ETV1: variants seen among roughly 807,000 people sequenced by gnomAD.
ETV1 encodes the protein ETS translocation variant 1.
A neutral mutation model predicts 62.3 loss-of-function variants in ETV1; 27 were observed. That is an observed-to-expected ratio of 0.43 (90% CI 0.32 to 0.60). The LOEUF (loss-of-function observed/expected upper bound fraction) is 0.60. Among genes scored for constraint, ETV1 ranks in the 20% least tolerant of loss-of-function variants. The pLI, the probability that ETV1 is intolerant of heterozygous loss-of-function variation, is 0.06. For missense variants in ETV1, 605 were observed against 605.8 expected (o/e 1.00, Z 0.01); for synonymous variants, 222 against 199.6 (o/e 1.11, Z -0.94).
At chr7:13,974,595 A>G (rs951165130) in intron 6 of ETV1, among the ~76,000 whole-genome samples, 1 of 152,242 alleles carries the variant, frequency 6.6e-6, no homozygotes, top group Admixed American at 6.5e-5. Flanking sequence ...GAACTAAAAC[A>G]ATGAAATAGG....
At chr7:13,941,863 GAATAAATAAATAAATAAATA>G (rs111978808) in intron 6 of ETV1, among the ~76,000 whole-genome samples, 38 of 145,880 alleles carry the variant, frequency 2.6e-4, no homozygotes, top group East Asian at 1.2e-3. Context: ...ATTCTGCCTC[GAATAAATAAATAAATAAATA>G]AATAAATAAA....
chr7:13,981,536 T>TAC (rs1562715370), intron 5 of ETV1, among the ~76,000 whole-genome samples: 2 of 135,322 alleles, frequency 1.5e-5, no homozygotes, highest in African/African-American at 5.6e-5. Flanking sequence ...TACATACATA[T>TAC]ATATATATAC....
chr7:13,960,531 C>A (rs1460170197), intron 6 of ETV1, among the ~76,000 whole-genome samples: 2 of 152,026 alleles, frequency 1.3e-5, no homozygotes, highest in African/African-American at 4.8e-5. Flanking sequence ...ACAAAAATAG[C>A]AAATTATAAA....
chr7:13,942,919 TA>T (rs1457836213), intron 6 of ETV1, among the ~76,000 whole-genome samples: 1 of 151,960 alleles, frequency 6.6e-6, no homozygotes, highest in Admixed American at 6.6e-5. Flanking sequence ...TACCATGAAG[TA>T]GGAAAATATT....
intron 9 of ETV1, among the ~76,000 whole-genome samples, chr7:13,925,098 G>C (rs955616252): frequency 1.1e-4 from 16 of 152,138 alleles, no homozygotes; most frequent in African/African-American, 3.6e-4. Context: ...TAAGCTCAAA[G>C]TATGCAGCAT....
chr7:13,901,837 A>G (rs1045970976), intron 12 of ETV1, among the ~76,000 whole-genome samples: 3 of 152,188 alleles, frequency 2.0e-5, no homozygotes, highest in African/African-American at 7.2e-5. Context: ...AAAAATCTCT[A>G]AAGCAGAATG....
chr7:13,912,717 G>T (rs1318763401), intron 9 of ETV1, among the ~76,000 whole-genome samples: 1 of 152,114 alleles, frequency 6.6e-6, no homozygotes, highest in Non-Finnish European at 1.5e-5. Context: ...GGCTAGCATT[G>T]TTTAAATCTG....
intron 3 of ETV1, 82 bp downstream of exon 3, chr7:13,988,926 C>A: frequency 7.4e-7 from 1 of 1,354,452 alleles, no homozygotes; most frequent in Non-Finnish European, 1.0e-6. Flanking sequence ...ACCCCCGTGC[C>A]CCCTCCCTTC....
chr7:13,943,024 G>C (rs1051733295), intron 6 of ETV1, among the ~76,000 whole-genome samples: 2 of 151,856 alleles, frequency 1.3e-5, no homozygotes, highest in Non-Finnish European at 2.9e-5. Flanking sequence ...AAAAGACACT[G>C]TTAAAAAAAA....
intron 5 of ETV1, among the ~76,000 whole-genome samples, chr7:13,983,342 C>A (rs1782191899): frequency 6.6e-6 from 1 of 151,964 alleles, no homozygotes; most frequent in South Asian, 2.1e-4. Flanking sequence ...TGGAAGAATA[C>A]AATCCTGTCT....
chr7:13,924,969 T>C (rs1209277202), intron 9 of ETV1, among the ~76,000 whole-genome samples: 1 of 152,194 alleles, frequency 6.6e-6, no homozygotes, highest in East Asian at 1.9e-4. Flanking sequence ...AAAGGCCTCA[T>C]GAGTAGCAGC....
intron 6 of ETV1, among the ~76,000 whole-genome samples, chr7:13,944,183 G>A (rs575442589): frequency 6.6e-5 from 10 of 152,300 alleles, no homozygotes; most frequent in Non-Finnish European, 1.0e-4. Flanking sequence ...TGAGTTTCCC[G>A]AAGTGACCTT....
At chr7:13,933,842 A>C (rs780624396) in intron 8 of ETV1, among the ~76,000 whole-genome samples, 8 of 152,220 alleles carry the variant, frequency 5.3e-5, no homozygotes, top group Non-Finnish European at 1.2e-4. Flanking sequence ...TCTCAGTCTC[A>C]AATATCTGAC....
At chr7:13,973,682 G>A (rs1001417606) in intron 6 of ETV1, among the ~76,000 whole-genome samples, 1 of 151,068 alleles carries the variant, frequency 6.6e-6, no homozygotes, top group African/African-American at 2.4e-5. Context: ...ACTTATTTTT[G>A]CCTCTGTTTA....
At chr7:13,984,390 A>T (rs1583903418) in intron 5 of ETV1, among the ~76,000 whole-genome samples, 1 of 152,118 alleles carries the variant, frequency 6.6e-6, no homozygotes, top group Non-Finnish European at 1.5e-5. Context: ...TAATTTGGGG[A>T]TCTCTTCTTA....
chr7:13,920,515 C>T (rs148408190), intron 9 of ETV1, among the ~76,000 whole-genome samples: 5 of 152,014 alleles, frequency 3.3e-5, no homozygotes, highest in East Asian at 1.9e-4. Flanking sequence ...GGCTCTATAG[C>T]GTCCATTCAT....
At chr7:13,973,386 C>T (rs1781092556) in intron 6 of ETV1, among the ~76,000 whole-genome samples, 1 of 152,164 alleles carries the variant, frequency 6.6e-6, no homozygotes, top group South Asian at 2.1e-4. Context: ...CCTCTGCCCC[C>T]ACTAAGCATA....
At chr7:13,929,515 T>C (rs1785837306) in intron 9 of ETV1, among the ~76,000 whole-genome samples, 1 of 152,200 alleles carries the variant, frequency 6.6e-6, no homozygotes, top group Admixed American at 6.5e-5. Context: ...CTTCAGATCC[T>C]GACACACCCC....
Position 13,931,505 on chromosome 7 carries a change from A to G in ETV1, c.799T>C (p.Ser267Pro). The change falls in exon 9 of 14, where the codon TCA (serine) becomes CCA (proline). Residue 267 changes from serine to proline, a missense_variant. Ser to Pro is a moderately conservative substitution (Grantham distance 74). Transcript: ENST00000430479. ...KQEPRDFAYD[S>P]EVPSCHSIYM... ...TTTGCGCAGAGCGCAGGCCTACCTG[A>G]GTCATATGCAAAATCTCTGGGTTCC... The G allele has an allele frequency of 6.2e-7, 1 of 1,613,954 alleles. No individual in the cohort carries two copies. Among genetic ancestry groups the G allele is most frequent in the Non-Finnish European group, 8.5e-7 (1 of 1,179,844 alleles).
Sources: gnomAD v4.1 joint callset for allele counts (sites outside exome capture counted in the v4.1 genomes callset) on GRCh38, gnomAD v4.1.1 for gene constraint, MANE v1.5 for transcripts, NCBI Gene and HGNC (gene_info 2026-07-23, HGNC 2026-07-21) for gene names.